ITCH: variants seen among roughly 807,000 people sequenced by gnomAD.
ITCH encodes the protein E3 ubiquitin-protein ligase Itchy homolog.
A neutral mutation model predicts 126.8 loss-of-function variants in ITCH; 28 were observed. The observed-to-expected ratio is 0.22, with a 90% CI of 0.16 to 0.30. The LOEUF (loss-of-function observed/expected upper bound fraction) is 0.30. Among genes scored for constraint, ITCH ranks in the 10% least tolerant of loss-of-function variants. ITCH has a pLI of 1.00. For missense variants in ITCH, 631 were observed against 1,032.4 expected, an observed-to-expected ratio of 0.61 and a Z score of 5.33; for synonymous variants, 342 against 340.0, an observed-to-expected ratio of 1.01 and a Z score of -0.06.
chr20:34,376,335 G>A (rs746487390), intron 2 of ITCH, among the ~76,000 whole-genome samples: 7 of 151,902 alleles, frequency 4.6e-5, no homozygotes, highest in Admixed American at 1.3e-4. Flanking sequence ...AAGTGCAAGG[G>A]TCGCTTAAGC....
chr20:34,490,582 G>A (rs913153277), intron 22 of ITCH, among the ~76,000 whole-genome samples: 17 of 152,184 alleles, frequency 1.1e-4, no homozygotes, highest in Admixed American at 1.1e-3. Context: ...GGCAGAGGTT[G>A]CAGTAAGCCA....
chr20:34,422,583 C>T (rs1980922931), intron 6 of ITCH, among the ~76,000 whole-genome samples: 1 of 151,566 alleles, frequency 6.6e-6, no homozygotes. Flanking sequence ...TTTTTTTTTA[C>T]CACATTAACA....
intron 7 of ITCH, among the ~76,000 whole-genome samples, chr20:34,434,742 G>C (rs1982780374): frequency 6.6e-6 from 1 of 152,146 alleles, no homozygotes; most frequent in Non-Finnish European, 1.5e-5. Context: ...TGAGGAGATG[G>C]AAAAGGTTTG....
intron 7 of ITCH, among the ~76,000 whole-genome samples, chr20:34,426,344 G>A (rs1264174623): frequency 2.0e-5 from 3 of 152,164 alleles, no homozygotes; most frequent in Non-Finnish European, 4.4e-5. Flanking sequence ...GAAGAAAGTA[G>A]AACAAAATAC....
chr20:34,372,506 G>C (rs942166157), intron 2 of ITCH, among the ~76,000 whole-genome samples: 3 of 146,502 alleles, frequency 2.0e-5, no homozygotes, highest in Admixed American at 1.4e-4. Context: ...TCAGCCTCCT[G>C]AGTAGCTGGG....
chr20:34,442,124 C>A, intron 9 of ITCH, 84 bp from the exon 10 acceptor site: 1 of 919,732 alleles, frequency 1.1e-6, no homozygotes, highest in South Asian at 1.3e-5. Flanking sequence ...CAATAATGGT[C>A]ATTTAATGGA....
intron 3 of ITCH, among the ~76,000 whole-genome samples, chr20:34,403,603 G>T (rs1262427451): frequency 6.6e-6 from 1 of 152,100 alleles, no homozygotes; most frequent in East Asian, 1.9e-4. Context: ...CTATATCTGT[G>T]CAATCAAGAG....
chr20:34,391,163 C>G (rs1282430042), intron 2 of ITCH, among the ~76,000 whole-genome samples: 3 of 152,152 alleles, frequency 2.0e-5, no homozygotes, highest in Non-Finnish European at 2.9e-5. Flanking sequence ...TTTTTCTACT[C>G]TGTTTTATGC....
chr20:34,380,895 C>T (rs1415264405), intron 2 of ITCH, among the ~76,000 whole-genome samples: 1 of 152,028 alleles, frequency 6.6e-6, no homozygotes, highest in Admixed American at 6.6e-5. Context: ...TCAGGAGATT[C>T]TCCTGCCTCA....
At chr20:34,461,896 G>T (rs999211157) in intron 13 of ITCH, among the ~76,000 whole-genome samples, 197 bp from the exon 14 acceptor site, 1 of 152,154 alleles carries the variant, frequency 6.6e-6, no homozygotes, top group Admixed American at 6.5e-5. Context: ...CAGAAGACTT[G>T]AGTTGTGTTT....
At chr20:34,381,364 C>A (rs1395432763) in intron 2 of ITCH, among the ~76,000 whole-genome samples, 2 of 151,872 alleles carry the variant, frequency 1.3e-5, no homozygotes, top group Admixed American at 1.3e-4. Context: ...CTCACTGCAG[C>A]CTCCACCTCC....
At chr20:34,487,136 G>A (rs534358559) in intron 20 of ITCH, among the ~76,000 whole-genome samples, 2 of 147,890 alleles carry the variant, frequency 1.4e-5, no homozygotes, top group East Asian at 2.0e-4. Flanking sequence ...CTCAGCCTCC[G>A]GAGTAGCTGG....
At chr20:34,364,412 A>G (rs761673039) in intron 1 of ITCH, among the ~76,000 whole-genome samples, 9 of 152,140 alleles carry the variant, frequency 5.9e-5, no homozygotes, top group Admixed American at 5.2e-4. Context: ...GTTCTCCTGC[A>G]TCTTTTCCTG....
chr20:34,370,794 G>A (rs1400927709), intron 2 of ITCH, among the ~76,000 whole-genome samples: 3 of 151,928 alleles, frequency 2.0e-5, no homozygotes, highest in Non-Finnish European at 4.4e-5. Context: ...AAGACTACTG[G>A]GTAAGAAAAA....
intron 12 of ITCH, among the ~76,000 whole-genome samples, chr20:34,453,152 C>T (rs2083392486): frequency 2.0e-5 from 3 of 152,240 alleles, no homozygotes; most frequent in African/African-American, 7.2e-5. Context: ...CACAGCACTT[C>T]CTCTCATTAA....
chr20:34,467,837 C>T (rs2146403613), intron 14 of ITCH, among the ~76,000 whole-genome samples: 1 of 151,988 alleles, frequency 6.6e-6, no homozygotes, highest in East Asian at 1.9e-4. Context: ...AGGCATGCGC[C>T]ACCATGCCTG....
intron 9 of ITCH, chr20:34,441,933 C>T (rs899625481): frequency 4.3e-5 from 18 of 417,284 alleles, no homozygotes; most frequent in Admixed American, 1.4e-4. Flanking sequence ...AGAGTGACTT[C>T]GGTATCCTAG....
At chr20:34,416,354 T>C (rs989914960) in intron 6 of ITCH, among the ~76,000 whole-genome samples, 1 of 152,180 alleles carries the variant, frequency 6.6e-6, no homozygotes, top group Non-Finnish European at 1.5e-5. Context: ...GCTGAGATCA[T>C]GCCATTGCAC....
At position 34,413,790 on chromosome 20, in the gene ITCH, C is replaced by T; in HGVS notation, c.386C>T (p.Thr129Ile). ...CAGCTTGGAGGTGACAAAGAGCCAA[C>T]AGAGACAATAGGAGACTTGTCAATT... ...TLQLGGDKEP[T>I]ETIGDLSICL... Residue 129 changes from threonine to isoleucine, a missense_variant, in exon 6 of 25, where the codon ACA becomes ATA. By Grantham distance (89) the Thr-to-Ile change is moderately conservative (BLOSUM62 -1). This residue lies in a region of ITCH where 220 missense variants were observed against 265.7 expected (regional missense o/e 0.83). Transcript: ENST00000374864. The T allele has an allele frequency of 1.2e-6, 2 of 1,613,062 alleles. No homozygotes were observed. Among genetic ancestry groups the T allele is most frequent in the Non-Finnish European group, 1.7e-6 (2 of 1,179,264 alleles).
Sources: gnomAD v4.1 joint callset for allele counts (sites outside exome capture counted in the v4.1 genomes callset) on GRCh38, gnomAD v4.1.1 for gene constraint, gnomAD v4.1.1 regional missense constraint, MANE v1.5 for transcripts, NCBI Gene and HGNC (gene_info 2026-07-23, HGNC 2026-07-21) for gene names.